Variants in HTR2C observed in about 807,000 individuals in gnomAD.
HTR2C encodes the protein 5-hydroxytryptamine (serotonin) receptor 2C, G protein-coupled.
A neutral mutation model predicts 21.0 loss-of-function variants in HTR2C; 5 were observed. The ratio of observed to expected loss-of-function variants is 0.24; its 90% CI spans 0.12 to 0.50. The LOEUF (loss-of-function observed/expected upper bound fraction) is 0.50. Ranked by LOEUF, HTR2C falls within the 20% of genes least tolerant of loss-of-function variation. HTR2C has a pLI of 0.98. For synonymous variants in HTR2C, 150 were observed against 145.3 expected, an observed-to-expected ratio of 1.03 and a Z score of -0.23; for missense variants, 271 against 371.2, an observed-to-expected ratio of 0.73 and a Z score of 2.22.
At chrX:114,742,248 C>T (rs1258717620) in intron 4 of HTR2C, among the ~76,000 whole-genome samples, 1 of 111,342 alleles carries the variant, frequency 9.0e-6, no homozygotes, top group Non-Finnish European at 1.9e-5. Context: ...CTTAATTCTG[C>T]GTTTAAACCT....
rs782162211 is a variant in HTR2C at position 114,764,095 on chromosome X, C to T, written c.349+32488C>T. Among the ~76,000 whole-genome samples the T allele has an allele frequency of 7.2e-5, 8 of 111,722 alleles. No homozygotes were observed. The East Asian group carries it at 2.0e-3, about 28-fold the overall frequency. ...TCCTTTGCTGTTTCTCTCTTCTATC[C>T]TCCTTAGAAATGTACAACTTTGGCT... On this transcript the variant is annotated intron_variant, in intron 4 of 5. Transcript: ENST00000276198.
At chrX:114,818,621 C>A (rs896108455) in intron 4 of HTR2C, among the ~76,000 whole-genome samples, 1 of 111,739 alleles carries the variant, frequency 8.9e-6, no homozygotes, top group Non-Finnish European at 1.9e-5. Context: ...CTCAGCTTCA[C>A]CCTTCCTAGC....
At chrX:114,628,405 A>ATTTTTTT (rs35975864) in intron 2 of HTR2C, among the ~76,000 whole-genome samples, 12 of 43,867 alleles carry the variant, frequency 2.7e-4, no homozygotes, top group African/African-American at 6.5e-4. Flanking sequence ...TGCCAGGCTA[A>ATTTTTTT]TTTTTTTTTT....
intron 5 of HTR2C, among the ~76,000 whole-genome samples, chrX:114,889,225 T>C (rs1348149947): frequency 1.8e-5 from 2 of 112,217 alleles, no homozygotes; most frequent in Non-Finnish European, 3.8e-5. Context: ...CTCCATTAGC[T>C]TAGAGGCCAG....
At chrX:114,754,753 A>G (rs1163231247) in intron 4 of HTR2C, among the ~76,000 whole-genome samples, 1 of 111,894 alleles carries the variant, frequency 8.9e-6, no homozygotes, top group Non-Finnish European at 1.9e-5. Flanking sequence ...AGCCCAATCC[A>G]TAAAATGTAA....
In HTR2C at chrX:114,910,058, G is replaced by A. The variant is rs2071403347; in HGVS notation, c.*2643G>A. ...TATTAATTTATTAAATTTATTAAAT[G>A]TTGGCTAATATGTCACATGTCTTTT... On this transcript the variant is annotated 3_prime_UTR_variant, in exon 6 of 6. Transcript: ENST00000276198. The A allele has an allele frequency of 8.9e-6, 1 of 111,834 alleles. No homozygotes were observed. The highest frequency in any genetic ancestry group is 3.7e-4 in the South Asian group (1 of 2,677). The allele number at this position is 111,834 out of a possible 1,213,427, so 9.2% of individuals were successfully genotyped here. A position where few individuals can be genotyped will look rare whatever the true frequency, so the allele number is the denominator to read the frequency against.
At chrX:114,821,132 CACTT>C (rs1340797009) in intron 4 of HTR2C, among the ~76,000 whole-genome samples, 1 of 111,129 alleles carries the variant, frequency 9.0e-6, no homozygotes, top group Non-Finnish European at 1.9e-5. Context: ...CATAGTCAAA[CACTT>C]GGTTGTACAC....
intron 4 of HTR2C, among the ~76,000 whole-genome samples, chrX:114,806,662 C>A (rs995358966): frequency 2.7e-4 from 26 of 95,924 alleles, no homozygotes; most frequent in African/African-American, 9.9e-4. Flanking sequence ...TATATATACA[C>A]TATATATACT....
chrX:114,705,588 C>T (rs1349332007), intron 2 of HTR2C, among the ~76,000 whole-genome samples: 2 of 106,625 alleles, frequency 1.9e-5, no homozygotes, highest in Non-Finnish European at 3.9e-5. Context: ...AAGGTTAGAC[C>T]TAAAACCATA....
At chrX:114,624,998 A>T (rs1438794656) in intron 2 of HTR2C, among the ~76,000 whole-genome samples, 2 of 111,923 alleles carry the variant, frequency 1.8e-5, no homozygotes, top group Admixed American at 1.9e-4. Context: ...GGATATTTAA[A>T]AAGATATTTG....
chrX:114,665,310 A>C (rs934452873), intron 2 of HTR2C, among the ~76,000 whole-genome samples: 1 of 111,908 alleles, frequency 8.9e-6, no homozygotes, highest in Non-Finnish European at 1.9e-5. Flanking sequence ...GGCCTTTGGC[A>C]TGATTGCCTC....
intron 1 of HTR2C, among the ~76,000 whole-genome samples, chrX:114,594,594 G>C (rs1363682743): frequency 3.6e-5 from 4 of 111,306 alleles, no homozygotes; most frequent in African/African-American, 1.3e-4. Context: ...GAACATTGGA[G>C]ATACTTATAC....
chrX:114,706,354 T>C (rs1932767972), intron 2 of HTR2C, among the ~76,000 whole-genome samples: 1 of 81,788 alleles, frequency 1.2e-5, no homozygotes, highest in Non-Finnish European at 2.4e-5. Flanking sequence ...GTGGCACATA[T>C]ACACCATGGA....
At chrX:114,851,843 GA>G (rs1209513518) in intron 5 of HTR2C, among the ~76,000 whole-genome samples, 6 of 111,258 alleles carry the variant, frequency 5.4e-5, no homozygotes, top group Non-Finnish European at 1.1e-4. Context: ...GCAGGATGCA[GA>G]AGCTCAGTAT....
At chrX:114,867,814 G>C (rs2071057927) in intron 5 of HTR2C, among the ~76,000 whole-genome samples, 1 of 111,132 alleles carries the variant, frequency 9.0e-6, no homozygotes, top group Non-Finnish European at 1.9e-5. Context: ...TGAGTTCACT[G>C]TAGCTGTGTA....
At chrX:114,668,480 C>T (rs1164005979) in intron 2 of HTR2C, among the ~76,000 whole-genome samples, 2 of 111,370 alleles carry the variant, frequency 1.8e-5, no homozygotes, top group African/African-American at 6.5e-5. Flanking sequence ...GGAAGCCATC[C>T]TCCAAAGCTC....
chrX:114,795,592 G>A (rs1388435241), intron 4 of HTR2C, among the ~76,000 whole-genome samples: 1 of 111,544 alleles, frequency 9.0e-6, no homozygotes. Flanking sequence ...TGGCTAGCCA[G>A]TTTTCCCAGC....
chrX:114,850,784 T>C (rs1488942394), intron 5 of HTR2C, among the ~76,000 whole-genome samples: 1 of 111,568 alleles, frequency 9.0e-6, no homozygotes, highest in Non-Finnish European at 1.9e-5. Flanking sequence ...TCCCTAATTA[T>C]ATGAATTACT....
intron 4 of HTR2C, among the ~76,000 whole-genome samples, chrX:114,762,450 G>A (rs1481384905): frequency 3.6e-5 from 4 of 110,986 alleles, no homozygotes; most frequent in South Asian, 3.8e-4. Flanking sequence ...TGATTTCTTC[G>A]AATTGGTTAA....
Sources: allele counts gnomAD v4.1 joint callset (sites outside exome capture counted in the v4.1 genomes callset), GRCh38; gene constraint gnomAD v4.1.1; transcripts MANE v1.5; gene names NCBI Gene and HGNC (gene_info 2026-07-23, HGNC 2026-07-21).